The following PCDHGA3 variants were observed in gnomAD, a reference collection of about 807,000 sequenced individuals.
PCDHGA3 encodes the protein protocadherin gamma-A3.
A neutral mutation model predicts 58.5 loss-of-function variants in PCDHGA3; 40 were observed. The ratio of observed to expected loss-of-function variants is 0.68; its 90% CI spans 0.53 to 0.89. PCDHGA3 has a LOEUF of 0.89. PCDHGA3 is among the 40% of genes least tolerant of loss of function. The pLI, the probability that PCDHGA3 is intolerant of heterozygous loss-of-function variation, is 0.00. For missense variants in PCDHGA3, 1,223 were observed against 1,195.9 expected, an observed-to-expected ratio of 1.02 and a Z score of -0.33; for synonymous variants, 530 against 525.7, an observed-to-expected ratio of 1.01 and a Z score of -0.11.
chr5:141,460,092 T>C (rs186695697), intron 1 of PCDHGA3, among the ~76,000 whole-genome samples: 37 of 152,056 alleles, frequency 2.4e-4, no homozygotes, highest in Admixed American at 9.8e-4. Context: ...ATAATAATTA[T>C]ACATGTAATT....
rs768635851 is a variant in PCDHGA3 at position 141,489,334 on chromosome 5, C to G, written c.2425-5473C>G. 2 of 1,606,614 alleles carry G rather than the reference C, an allele frequency of 1.2e-6. No individual in the cohort carries two copies. Among genetic ancestry groups the G allele is most frequent in the Non-Finnish European group, 1.7e-6 (2 of 1,175,584 alleles). On this transcript the variant is annotated intron_variant, in intron 1 of 3. Coordinates refer to ENST00000253812, the MANE Select transcript of PCDHGA3 (RefSeq NM_018916.4). The surrounding 1 kb of genome is among the most constrained non-coding windows in gnomAD (Gnocchi z 4.5). Reference sequence around the variant, plus strand: ...CTGGGGCTGGGTGTCTGGGCAGCTTCGTTACTCAGTGGTGGAGGAGTCTGA... The same window carrying G: ...CTGGGGCTGGGTGTCTGGGCAGCTTGGTTACTCAGTGGTGGAGGAGTCTGA...
chr5:141,440,960 A>C (rs1467379261), intron 1 of PCDHGA3: 2 of 152,248 alleles, frequency 1.3e-5, no homozygotes, highest in Non-Finnish European at 2.9e-5. Flanking sequence ...CAAGGCAGAG[A>C]TCACATATGG....
rs2097549501 is a variant in PCDHGA3 at position 141,432,920 on chromosome 5, A to T, written c.2425-61887A>T. ...GGCGCTCAGGCTGCGGCGCTGGCAC[A>T]AGTCACGCCTGCTGCAGGCTTCAGG... On this transcript the variant is annotated intron_variant, in intron 1 of 3. Transcript: ENST00000253812. The surrounding 1 kb of genome is among the most constrained non-coding windows in gnomAD (Gnocchi z 6.0). 1 of 1,614,022 alleles carries T rather than the reference A, an allele frequency of 6.2e-7. No homozygotes were observed.
chr5:141,365,943 G>C (rs759969199), intron 1 of PCDHGA3: 3 of 1,614,204 alleles, frequency 1.9e-6, no homozygotes, highest in Non-Finnish European at 2.5e-6. Context: ...AGCGACAGTG[G>C]GAACCCTCCA....
At chr5:141,350,581 T>C (rs770869658) in intron 1 of PCDHGA3, 1 of 1,614,052 alleles carries the variant, frequency 6.2e-7, no homozygotes, top group South Asian at 1.1e-5. Context: ...AAACGGTCGC[T>C]GAAAACCCAA....
intron 1 of PCDHGA3, chr5:141,355,298 A>T: frequency 6.2e-7 from 1 of 1,613,812 alleles, no homozygotes; most frequent in Non-Finnish European, 8.5e-7. Flanking sequence ...CAGATTCTCT[A>T]CTCGGTGTTT....
At chr5:141,390,827 A>C (rs1026985432) in intron 1 of PCDHGA3, 1 of 164,666 alleles carries the variant, frequency 6.1e-6, no homozygotes, top group African/African-American at 2.4e-5. Flanking sequence ...TTTTATGTCC[A>C]TGGACCCCTT....
rs919100488 is a variant in PCDHGA3 at position 141,511,573 on chromosome 5, G to A, written c.*400G>A. On this transcript the variant is annotated 3_prime_UTR_variant, in exon 4 of 4. Transcript: ENST00000253812. ...ACAGTTCCTCTTTCCCGAGTAAGGT[G>A]GTTGGGGTGTTGAAGTACCAAGTAA... 1.1e-4 allele frequency: 33 copies of A among 288,248 alleles called. No individual in the cohort carries two copies. Among genetic ancestry groups the A allele is most frequent in the African/African-American group, 7.1e-4 (33 of 46,356 alleles). The allele number at this position is 288,248 out of a possible 1,614,324, so 17.9% of individuals were successfully genotyped here.
In PCDHGA3 at chr5:141,346,244, C is replaced by T. The variant is rs375085778; in HGVS notation, c.2211C>T (p.Gly737=). The T allele has an allele frequency of 1.5e-5, 25 of 1,614,098 alleles. No individual in the cohort carries two copies. Among genetic ancestry groups the T allele is most frequent in the Non-Finnish European group, 2.0e-5 (24 of 1,180,054 alleles). ...GAGGCGGCTTGGCGAGTACGCCCGG[C>T]TCGCACTTTGTGGGCGCGGACGGGG... ...ASGGGLASTP[G]SHFVGADGVR... Residue 737 remains glycine (G), a synonymous_variant, in exon 1 of 4, where the codon GGC becomes GGT. Coordinates refer to ENST00000253812, the MANE Select transcript of PCDHGA3 (RefSeq NM_018916.4).
At chr5:141,408,675 C>T (rs574868088) in intron 1 of PCDHGA3, 14 of 1,613,950 alleles carry the variant, frequency 8.7e-6, no homozygotes, top group Admixed American at 8.3e-5. Flanking sequence ...GACCCTGCCA[C>T]GGATCCTGAT....
intron 1 of PCDHGA3, chr5:141,370,414 G>A (rs1479510412): frequency 6.4e-7 from 1 of 1,568,570 alleles, no homozygotes; most frequent in Non-Finnish European, 8.6e-7. Flanking sequence ...AGCTCCGGAT[G>A]GAGGGGCCCA....
intron 1 of PCDHGA3, chr5:141,440,587 A>G (rs566819394): frequency 1.3e-5 from 2 of 152,392 alleles, no homozygotes; most frequent in East Asian, 3.9e-4. Flanking sequence ...CCCAGCTGGA[A>G]CAAGATTTGC....
At chr5:141,437,986 C>T (rs2097921856) in intron 1 of PCDHGA3, among the ~76,000 whole-genome samples, 1 of 152,096 alleles carries the variant, frequency 6.6e-6, no homozygotes, top group African/African-American at 2.4e-5. Context: ...TGCACCCACC[C>T]CACCTCAGCC....
At position 141,437,741 on chromosome 5, in the gene PCDHGA3, C is replaced by CTT. The variant is rs35124340; in HGVS notation, c.2425-57052_2425-57051dup. 4.3e-3 allele frequency among the ~76,000 whole-genome samples: 606 copies of CTT among 141,726 alleles called. 5 individuals are homozygous for CTT. The highest frequency in any genetic ancestry group is 0.012 in the Admixed American group (164 of 14,230). 93.0% of individuals were successfully genotyped at this position (141,726 alleles called of 152,430 possible). A position where few individuals can be genotyped will look rare whatever the true frequency, so the allele number is the denominator to read the frequency against. On this transcript the variant is annotated intron_variant, in intron 1 of 3. Transcript: ENST00000253812. ...CTCTAATGTTACACTTTGAGTTCAC[C>CTT]TTTTTTTTTTTTTTTGAGACAGAGT...
intron 1 of PCDHGA3, among the ~76,000 whole-genome samples, chr5:141,463,721 C>T (rs1012411825): frequency 1.3e-5 from 2 of 152,046 alleles, no homozygotes; most frequent in Non-Finnish European, 2.9e-5. Flanking sequence ...GCTGGGATTA[C>T]AGGCATGAGC....
In PCDHGA3 at chr5:141,418,047, C is replaced by G. The variant is rs968352679; in HGVS notation, c.2424+71590C>G. The G allele has an allele frequency of 6.2e-6, 10 of 1,613,894 alleles. No individual in the cohort carries two copies. The highest frequency in any genetic ancestry group is 1.6e-4 in the Middle Eastern group (1 of 6,076). ...GGGCTTAGTGTCCTGGATGTGTCGG[C>G]TCGCGAGCTGCGAGTGAGCGCGGAG... On this transcript the variant is annotated intron_variant, in intron 1 of 3. Transcript: ENST00000253812.
intron 2 of PCDHGA3, among the ~76,000 whole-genome samples, chr5:141,499,102 C>T (rs1172661012): frequency 1.3e-5 from 2 of 152,170 alleles, no homozygotes; most frequent in Admixed American, 6.5e-5. Context: ...TGCTTCTCCT[C>T]CCCACCACTA....
At chr5:141,375,170 G>A in intron 1 of PCDHGA3, 2 of 1,613,964 alleles carry the variant, frequency 1.2e-6, no homozygotes, top group Admixed American at 1.7e-5. Context: ...TGCACCTCCA[G>A]GAACAGTAAT....
chr5:141,414,801 G>A, intron 1 of PCDHGA3: 2 of 1,614,218 alleles, frequency 1.2e-6, no homozygotes, highest in Non-Finnish European at 1.7e-6. Flanking sequence ...GCGACAGCGG[G>A]GATCCTCCAC....
Sources: gnomAD v4.1 joint callset for allele counts (sites outside exome capture counted in the v4.1 genomes callset) on GRCh38, gnomAD v4.1.1 for gene constraint, Gnocchi (gnomAD v3.1) non-coding constraint, MANE v1.5 for transcripts, NCBI Gene and HGNC (gene_info 2026-07-23, HGNC 2026-07-21) for gene names.